The following ABCC6 variants were observed in gnomAD, a reference collection of about 807,000 sequenced individuals.
The protein encoded by ABCC6 is ATP binding cassette subfamily C member 6.
A neutral mutation model predicts 169.5 loss-of-function variants in ABCC6; 126 were observed. The observed-to-expected ratio is 0.74, with a 90% CI of 0.64 to 0.86. The LOEUF is 0.86. Ranked by LOEUF, ABCC6 falls within the 40% of genes least tolerant of loss-of-function variation. The pLI, the probability that ABCC6 is intolerant of heterozygous loss-of-function variation, is 0.00. For synonymous variants in ABCC6, 752 were observed against 814.7 expected (o/e 0.92, Z 1.31); for missense variants, 1,733 against 1,927.2 (o/e 0.90, Z 1.89).
At position 16,203,266 on chromosome 16, in the gene ABCC6, C is replaced by T. The variant is rs2048299305; in HGVS notation, c.998+144G>A. 2.8e-6 allele frequency: 4 copies of T among 1,428,796 alleles called. 1 individual carries two copies. Among genetic ancestry groups the T allele is most frequent in the Middle Eastern group, 4.7e-4 (2 of 4,290 alleles). 88.5% of individuals were successfully genotyped at this position (1,428,796 alleles called of 1,614,324 possible). ...ACTTTCTCATTAATCCATTTCCCTT[C>T]CTCAGTGTCCTTCTCACCCACCATC... On this transcript the variant is annotated intron_variant, in intron 8 of 30. Coordinates refer to ENST00000205557, the MANE Select transcript of ABCC6 (RefSeq NM_001171.6).
intron 7 of ABCC6, among the ~76,000 whole-genome samples, chr16:16,206,944 C>G (rs994877580): frequency 6.6e-6 from 1 of 152,152 alleles, no homozygotes; most frequent in Admixed American, 6.6e-5. Flanking sequence ...CAAGATCACC[C>G]TGGCCAACAT....
At chr16:16,200,956 G>T (rs1438100358) in intron 9 of ABCC6, among the ~76,000 whole-genome samples, 1 of 151,882 alleles carries the variant, frequency 6.6e-6, no homozygotes, top group African/African-American at 2.4e-5. Flanking sequence ...TGCAATTTGG[G>T]TTTTTTTGTT....
At chr16:16,164,604 GATGAT>G (rs1310759713) in intron 23 of ABCC6, among the ~76,000 whole-genome samples, 1 of 152,196 alleles carries the variant, frequency 6.6e-6, no homozygotes, top group Non-Finnish European at 1.5e-5. Context: ...GCTAAGGTGA[GATGAT>G]ATGATAGCTA....
rs891503371 is a variant in ABCC6, at chr16:16,155,151, C to T, written c.3883-120G>A. ...CATCCCTCATTGTGTAAAGGTCTAC[C>T]TTCCATCTCTCTTTCCATCTGTCTA... is the stretch of plus-strand genomic sequence containing the variant. On this transcript the variant is annotated intron_variant, in intron 27 of 30. Coordinates refer to ENST00000205557, the MANE Select transcript of ABCC6 (RefSeq NM_001171.6). The T allele has an allele frequency of 2.6e-6, 3 of 1,175,092 alleles. No individual in the cohort carries two copies. The Admixed American group carries it at 6.8e-5, about 27-fold the overall frequency. The allele number at this position is 1,175,092 out of a possible 1,614,324, so 72.8% of individuals were successfully genotyped here.
At position 16,150,115 on chromosome 16, in the gene ABCC6, A is replaced by T. The variant is rs755791267; in HGVS notation, c.*18T>A. 1.2e-5 allele frequency: 20 copies of T among 1,611,726 alleles called. No individual in the cohort carries two copies. Among genetic ancestry groups the T allele is most frequent in the Non-Finnish European group, 1.6e-5 (19 of 1,179,836 alleles). On this transcript the variant is annotated 3_prime_UTR_variant, in exon 31 of 31. Transcript: ENST00000205557. Reference sequence around the variant, plus strand: ...CTGTGCGGGCTGGTCCAACTGGGGTACGGTTGAGGGTCCTGGCTCAGACCA... The same window carrying T: ...CTGTGCGGGCTGGTCCAACTGGGGTTCGGTTGAGGGTCCTGGCTCAGACCA...
intron 10 of ABCC6, among the ~76,000 whole-genome samples, chr16:16,193,543 G>T (rs979056935): frequency 2.6e-5 from 4 of 152,134 alleles, no homozygotes; most frequent in African/African-American, 4.8e-5. Context: ...GTGAAACACA[G>T]TCTCTACTAA....
At chr16:16,176,786 G>A (rs1050353769) in intron 19 of ABCC6, among the ~76,000 whole-genome samples, 3 of 152,174 alleles carry the variant, frequency 2.0e-5, no homozygotes, top group Non-Finnish European at 4.4e-5. Context: ...CATGTAACCT[G>A]GGACTAGTTC....
At chr16:16,182,728 G>A (rs1204094606) in intron 16 of ABCC6, 76 bp downstream of exon 16, 1 of 1,601,836 alleles carries the variant, frequency 6.2e-7, no homozygotes, top group African/African-American at 1.3e-5. Context: ...CTGGGATGGG[G>A]AGGGTGGGAA....
intron 29 of ABCC6, among the ~76,000 whole-genome samples, chr16:16,153,789 A>C (rs1458063794): frequency 1.3e-5 from 2 of 151,608 alleles, no homozygotes; most frequent in African/African-American, 4.8e-5. Flanking sequence ...CTGTAACCCC[A>C]GCTACTCGGG....
chr16:16,199,734 G>T (rs1567525398), intron 9 of ABCC6, among the ~76,000 whole-genome samples: 1 of 130,540 alleles, frequency 7.7e-6, no homozygotes, highest in Non-Finnish European at 1.8e-5. Flanking sequence ...GCTCTCCCGG[G>T]CCTGGAGTTT....
chr16:16,179,431 T>C (rs2047398196), intron 17 of ABCC6, among the ~76,000 whole-genome samples: 1 of 152,192 alleles, frequency 6.6e-6, no homozygotes, highest in African/African-American at 2.4e-5. Context: ...TGGATACCTG[T>C]AGGGCAGTGG....
chr16:16,197,616 G>T (rs2048091548), intron 10 of ABCC6, among the ~76,000 whole-genome samples: 1 of 148,224 alleles, frequency 6.7e-6, no homozygotes, highest in South Asian at 2.2e-4. Context: ...GAGGAGGAGG[G>T]GGAAGGAGGA....
chr16:16,177,938 G>C (rs2047335829), intron 18 of ABCC6, among the ~76,000 whole-genome samples: 1 of 150,278 alleles, frequency 6.7e-6, no homozygotes, highest in African/African-American at 2.5e-5. Context: ...GCAAGACTCT[G>C]TCAAGAAAGG....
chr16:16,177,302 A>G, intron 19 of ABCC6, 150 bp downstream of exon 19: 1 of 834,494 alleles, frequency 1.2e-6, no homozygotes, highest in Non-Finnish European at 2.0e-6. Flanking sequence ...GAGAAAGGTG[A>G]CCTATTAAGA....
intron 20 of ABCC6, among the ~76,000 whole-genome samples, chr16:16,174,934 TA>T (rs1000898781): frequency 1.3e-5 from 2 of 149,464 alleles, no homozygotes; most frequent in African/African-American, 4.9e-5. Context: ...TTTTTTTTTT[TA>T]ATTTACTTAT....
chr16:16,170,530 T>G (rs2047026803), intron 21 of ABCC6, among the ~76,000 whole-genome samples: 1 of 152,102 alleles, frequency 6.6e-6, no homozygotes, highest in Admixed American at 6.6e-5. Context: ...CTCCTACAAA[T>G]CTGAAGTTCT....
chr16:16,165,770 G>T lies in ABCC6; in HGVS notation c.3159C>A (p.Asp1053Glu), dbSNP rs780915265. The T allele has an allele frequency of 2.4e-5, 39 of 1,613,698 alleles. No individual in the cohort carries two copies. Among genetic ancestry groups the T allele is most frequent in the Non-Finnish European group, 3.2e-5 (38 of 1,180,058 alleles). ...HLLNRFSKET[D>E]TVDVDIPDKL... Reference sequence around the variant, plus strand: ...TGTCTGGAATGTCCACGTCAACCGTGTCTGTCTCCTTGGAGAAGCGGTTTA... The same window carrying T: ...TGTCTGGAATGTCCACGTCAACCGTTTCTGTCTCCTTGGAGAAGCGGTTTA... Residue 1053 changes from aspartate to glutamate, a missense_variant, in exon 23 of 31, where the codon GAC becomes GAA. This residue lies in a region of ABCC6 where 1,601 missense variants were observed against 1,635.5 expected (regional missense o/e 0.98). Transcript: ENST00000205557.
rs1011923791 is a variant in ABCC6, at chr16:16,188,972, G to A, written c.1638C>T (p.Val546=). Residue 546 remains valine, a splice_region_variant and synonymous_variant, in exon 13 of 31, where the codon GTC becomes GTT. Coordinates refer to ENST00000205557, the MANE Select transcript of ABCC6 (RefSeq NM_001171.6). ...TGTGGACAGCAAACACCACCAGTGC[G>A]ACCTGGGGGGTGGGGGGGACACGTG... is the stretch of plus-strand genomic sequence containing the variant. The part of the protein sequence containing the change: ...LVSFQVSTFL[V]ALVVFAVHTL... The A allele has an allele frequency of 8.1e-6, 13 of 1,613,722 alleles. No individual in the cohort carries two copies. The highest frequency in any genetic ancestry group is 1.7e-5 in the Admixed American group (1 of 60,004).
intron 2 of ABCC6, 124 bp downstream of exon 2, chr16:16,221,525 G>C: frequency 6.7e-7 from 1 of 1,503,048 alleles, no homozygotes; most frequent in Non-Finnish European, 8.9e-7. Flanking sequence ...TGCTCTGTTT[G>C]ATTAACAGAT....
Sources: allele counts gnomAD v4.1 joint callset (sites outside exome capture counted in the v4.1 genomes callset), GRCh38; gene constraint gnomAD v4.1.1; regional missense constraint gnomAD v4.1.1; transcripts MANE v1.5; gene names NCBI Gene and HGNC (gene_info 2026-07-23, HGNC 2026-07-21).